The following CCDC102B variants were observed in gnomAD, a reference collection of about 807,000 sequenced individuals.
The protein encoded by CCDC102B is coiled-coil domain-containing protein 102B.
CCDC102B carries 75 observed loss-of-function variants against 57.4 expected under a neutral mutation model. That is an observed-to-expected ratio of 1.31 (90% CI 1.08 to 1.58). CCDC102B has a LOEUF of 1.58. CCDC102B is among the 40% of genes most tolerant of loss of function. The pLI, the probability that CCDC102B is intolerant of heterozygous loss-of-function variation, is 0.00. For synonymous variants in CCDC102B, 206 were observed against 201.9 expected (o/e 1.02, Z -0.17); for missense variants, 636 against 582.6 (o/e 1.09, Z -0.94).
intron 7 of CCDC102B, among the ~76,000 whole-genome samples, chr18:69,014,976 A>AGTGTGTGTGTGTGTGTGTGTGT (rs758831401): frequency 1.7e-5 from 2 of 115,572 alleles, no homozygotes; most frequent in Admixed American, 1.1e-4. Context: ...AGAGAGAGAG[A>AGTGTGTGTGTGTGTGTGTGTGT]GAGTGTGTGT....
At chr18:68,758,674 G>C (rs188896251) in intron 2 of CCDC102B, among the ~76,000 whole-genome samples, 35 of 151,456 alleles carry the variant, frequency 2.3e-4, no homozygotes, top group Admixed American at 4.6e-4. Context: ...AAAAAATCAT[G>C]ATATCTATAG....
intron 7 of CCDC102B, among the ~76,000 whole-genome samples, chr18:69,040,097 A>G (rs993324713): frequency 7.2e-5 from 11 of 151,986 alleles, no homozygotes; most frequent in Non-Finnish European, 1.5e-4. Context: ...TTAACAGACC[A>G]TAAAATGAAT....
intron 6 of CCDC102B, among the ~76,000 whole-genome samples, chr18:68,968,179 G>C (rs906325767): frequency 2.0e-5 from 3 of 152,118 alleles, no homozygotes; most frequent in Admixed American, 2.0e-4. Flanking sequence ...CACAAACCTA[G>C]ATGATATAGC....
Position 69,054,794 on chromosome 18 carries a change from CTGGATAGA to C in CCDC102B, c.*658_*665del. Reference sequence around the variant, plus strand: ...AACTAAAAGGACTTTTGACTTTTATCTGGATAGACATTTCTACAGTAAAATCATGGAAA... The same window carrying C: ...AACTAAAAGGACTTTTGACTTTTATCCATTTCTACAGTAAAATCATGGAAA... On this transcript the variant is annotated 3_prime_UTR_variant, in exon 8 of 8. Transcript: ENST00000360242. The C allele has an allele frequency of 2.0e-6, 2 of 985,274 alleles. No individual in the cohort carries two copies. The highest frequency in any genetic ancestry group is 2.4e-6 in the Non-Finnish European group (2 of 829,912). 61.0% of individuals were successfully genotyped at this position (985,274 alleles called of 1,614,324 possible).
At chr18:68,928,905 G>A (rs2041570743) in intron 6 of CCDC102B, among the ~76,000 whole-genome samples, 1 of 151,780 alleles carries the variant, frequency 6.6e-6, no homozygotes, top group African/African-American at 2.4e-5. Context: ...CTCAATGCTA[G>A]AAGAAGCAAT....
intron 1 of CCDC102B, among the ~76,000 whole-genome samples, chr18:68,808,623 G>T (rs1392104758): frequency 6.6e-6 from 1 of 151,596 alleles, no homozygotes; most frequent in Non-Finnish European, 1.5e-5. Flanking sequence ...GACTACAGGC[G>T]CCCGCCACCA....
intron 6 of CCDC102B, among the ~76,000 whole-genome samples, chr18:68,928,945 A>G (rs1305363438): frequency 6.6e-6 from 1 of 151,838 alleles, no homozygotes; most frequent in Non-Finnish European, 1.5e-5. Flanking sequence ...GCTGGAGAGC[A>G]TGACAAAGCG....
chr18:68,886,960 A>T (rs1426998954), intron 5 of CCDC102B, among the ~76,000 whole-genome samples: 4 of 138,508 alleles, frequency 2.9e-5, no homozygotes, highest in South Asian at 4.3e-4. Flanking sequence ...TTCAGTACCA[A>T]TGACTTATGA....
At chr18:69,032,454 A>T (rs911273705) in intron 7 of CCDC102B, among the ~76,000 whole-genome samples, 1 of 152,184 alleles carries the variant, frequency 6.6e-6, no homozygotes, top group Non-Finnish European at 1.5e-5. Flanking sequence ...AATAATGAGC[A>T]TATTACTTAG....
chr18:68,956,613 A>AC lies in CCDC102B; in HGVS notation c.1264-54321_1264-54320insC, dbSNP rs2049906563. On this transcript the variant is annotated intron_variant, in intron 6 of 7. Coordinates refer to ENST00000360242, the MANE Select transcript of CCDC102B (RefSeq NM_024781.3). ...TATATATATATTATATATATATAAA[A>AC]TATATAATATATATATCGCACCATA... is the stretch of plus-strand genomic sequence containing the variant. 4.6e-4 allele frequency among the ~76,000 whole-genome samples: 40 copies of AC among 87,530 alleles called. 9 individuals are homozygous for AC. The South Asian group carries it at 0.011, about 25-fold the overall frequency. The allele number at this position is 87,530 out of a possible 152,430, so 57.4% of individuals were successfully genotyped here. A position where few individuals can be genotyped will look rare whatever the true frequency, so the allele number is the denominator to read the frequency against.
At chr18:69,003,431 TCTC>T (rs1424812555) in intron 6 of CCDC102B, among the ~76,000 whole-genome samples, 1 of 152,114 alleles carries the variant, frequency 6.6e-6, no homozygotes, top group African/African-American at 2.4e-5. Flanking sequence ...CTTTGCTGCT[TCTC>T]CTCAACTCTC....
intron 2 of CCDC102B, among the ~76,000 whole-genome samples, chr18:68,790,785 T>C (rs1023467264): frequency 1.3e-5 from 2 of 152,188 alleles, no homozygotes; most frequent in African/African-American, 4.8e-5. Flanking sequence ...GAAATCACCG[T>C]CTTCTGCGTC....
intron 2 of CCDC102B, among the ~76,000 whole-genome samples, chr18:68,765,314 AAGGAAGGAAG>A (rs1568238612): frequency 4.5e-3 from 284 of 62,808 alleles, no homozygotes; most frequent in East Asian, 0.018. Context: ...GGAAGGAAGG[AAGGAAGGAAG>A]GAAAGAAAGA....
Position 68,866,580 on chromosome 18 carries a change from C to T in CCDC102B, c.937-8089C>T, listed in dbSNP as rs540006759. The T allele has an allele frequency of 1.7e-4, 48 of 281,064 alleles. No individual in the cohort carries two copies. In the East Asian group the frequency reaches 2.1e-3, roughly 12 times the overall value. 17.4% of individuals were successfully genotyped at this position (281,064 alleles called of 1,614,324 possible). On this transcript the variant is annotated intron_variant, in intron 4 of 7. Coordinates refer to ENST00000360242, the MANE Select transcript of CCDC102B (RefSeq NM_024781.3). ...CCTCTGAGCCCAATTTAGCCCTCTG[C>T]TCTGTATCAGAAAAGCTGCTCCTTT...
intron 2 of CCDC102B, among the ~76,000 whole-genome samples, chr18:68,742,650 G>A (rs1358162721): frequency 6.6e-6 from 1 of 152,192 alleles, no homozygotes; most frequent in Non-Finnish European, 1.5e-5. Context: ...GTCTGGTAGG[G>A]CTGAAAGAAA....
chr18:68,973,095 A>G (rs1227476458), intron 6 of CCDC102B, among the ~76,000 whole-genome samples: 1 of 152,158 alleles, frequency 6.6e-6, no homozygotes, highest in African/African-American at 2.4e-5. Context: ...TAGTTTTCAT[A>G]TCGCTACAGT....
chr18:68,988,110 C>T (rs982389260), intron 6 of CCDC102B, among the ~76,000 whole-genome samples: 2 of 151,844 alleles, frequency 1.3e-5, no homozygotes, highest in Non-Finnish European at 2.9e-5. Flanking sequence ...TTCATTGCAG[C>T]ACTATTCACA....
At chr18:68,841,928 G>A (rs766954453) in intron 3 of CCDC102B, among the ~76,000 whole-genome samples, 5 of 151,646 alleles carry the variant, frequency 3.3e-5, no homozygotes, top group South Asian at 2.1e-4. Flanking sequence ...TAGTAGAGAC[G>A]GGGTTTTGCC....
At chr18:68,843,233 A>G (rs2037715738) in intron 3 of CCDC102B, among the ~76,000 whole-genome samples, 1 of 152,218 alleles carries the variant, frequency 6.6e-6, no homozygotes, top group African/African-American at 2.4e-5. Context: ...GTTTAATACT[A>G]TCTCTAAATT....
Sources: gnomAD v4.1 joint callset for allele counts (sites outside exome capture counted in the v4.1 genomes callset) on GRCh38, gnomAD v4.1.1 for gene constraint, MANE v1.5 for transcripts, NCBI Gene and HGNC (gene_info 2026-07-23, HGNC 2026-07-21) for gene names.